Variants in SEZ6L2 observed in about 807,000 individuals in gnomAD.
SEZ6L2 encodes the protein seizure related 6 homolog like 2.
SEZ6L2 carries 44 observed loss-of-function variants against 97.0 expected under a neutral mutation model. The observed-to-expected ratio is 0.45, with a 90% CI of 0.36 to 0.58. SEZ6L2 has a LOEUF of 0.58. SEZ6L2 is among the 20% of genes least tolerant of loss of function. The probability of loss-of-function intolerance (pLI) is 0.00; values close to 1 mark genes in which losing one functional copy is unlikely to be tolerated. For missense variants in SEZ6L2, 1,086 were observed against 1,233.3 expected, an observed-to-expected ratio of 0.88 and a Z score of 1.79; for synonymous variants, 543 against 546.1, an observed-to-expected ratio of 0.99 and a Z score of 0.08.
chr16:29,877,566 A>C lies in SEZ6L2; in HGVS notation c.1713-99T>G, dbSNP rs1596964250. The C allele has an allele frequency of 3.6e-6, 4 of 1,102,800 alleles. No homozygotes were observed. The East Asian group carries it at 8.3e-5, about 23-fold the overall frequency. 68.3% of individuals were successfully genotyped at this position (1,102,800 alleles called of 1,614,324 possible). On this transcript the variant is annotated intron_variant, in intron 10 of 17. Coordinates refer to ENST00000617533, the MANE Select transcript of SEZ6L2 (RefSeq NM_001243332.2). Reference sequence around the variant, plus strand: ...ACTCTGCTCATTGGTAGCCCCTCCTACTCTCCAGCCCCGCCCATATTCTCC... The same window carrying C: ...ACTCTGCTCATTGGTAGCCCCTCCTCCTCTCCAGCCCCGCCCATATTCTCC...
At chr16:29,894,346 C>G (rs2068333974) in intron 5 of SEZ6L2, among the ~76,000 whole-genome samples, 1 of 152,172 alleles carries the variant, frequency 6.6e-6, no homozygotes, top group Non-Finnish European at 1.5e-5. Context: ...TTCACCTCAT[C>G]TGGGGGTCAC....
chr16:29,884,926 G>A (rs1258731794), intron 8 of SEZ6L2, among the ~76,000 whole-genome samples: 1 of 149,898 alleles, frequency 6.7e-6, no homozygotes, highest in East Asian at 2.0e-4. Flanking sequence ...AATAAATAAA[G>A]GCCGGGCGCG....
chr16:29,897,517 C>T (rs1266815805), intron 2 of SEZ6L2, among the ~76,000 whole-genome samples: 1 of 152,004 alleles, frequency 6.6e-6, no homozygotes, highest in Non-Finnish European at 1.5e-5. Context: ...TTTCATGATT[C>T]GAGATCCACT....
chr16:29,893,937 C>A (rs1324993395), intron 5 of SEZ6L2, among the ~76,000 whole-genome samples: 1 of 152,218 alleles, frequency 6.6e-6, no homozygotes, highest in African/African-American at 2.4e-5. Context: ...ATGGCGCAAT[C>A]TCAGCTCAAT....
chr16:29,878,733 G>A (rs1479098587), intron 9 of SEZ6L2, among the ~76,000 whole-genome samples: 4 of 144,458 alleles, frequency 2.8e-5, no homozygotes, highest in Non-Finnish European at 6.1e-5. Flanking sequence ...TACAGGCGCC[G>A]CCACCACACC....
In SEZ6L2 at chr16:29,873,286, C is replaced by T. The variant is rs2067825747; in HGVS notation, c.2442G>A (p.Val814=). ...TGGTCCACTGGGAGGGGTGGCCGGGCACACAGGTGATGGTGACCTCGCCGA... is the reference window on the plus strand; with the variant it reads ...TGGTCCACTGGGAGGGGTGGCCGGGTACACAGGTGATGGTGACCTCGCCGA... ...ELIGEVTITC[V]PGHPSQWTSQ... Residue 814 remains valine, a synonymous_variant, in exon 14 of 18, where the codon GTG becomes GTA. Coordinates refer to ENST00000617533, the MANE Select transcript of SEZ6L2 (RefSeq NM_001243332.2). This position sits in a 1 kb window ranked among gnomAD's most constrained non-coding sequence, Gnocchi z 4.3. The T allele has an allele frequency of 6.2e-7, 1 of 1,614,162 alleles. No homozygotes were observed. Among genetic ancestry groups the T allele is most frequent in the African/African-American group, 1.3e-5 (1 of 75,058 alleles).
chr16:29,884,136 C>T (rs74017641), intron 8 of SEZ6L2, among the ~76,000 whole-genome samples: 10,670 of 152,086 alleles, frequency 0.07, 1,066 homozygotes, highest in East Asian at 0.32. Flanking sequence ...GGGAAGGCCA[C>T]GTGAGGCAGA....
chr16:29,887,879 C>T (rs2068182541), intron 6 of SEZ6L2, 62 bp from the exon 7 acceptor site: 1 of 1,567,416 alleles, frequency 6.4e-7, no homozygotes, highest in Non-Finnish European at 8.7e-7. Context: ...CTCCTCGGGG[C>T]CTCGGCCCGT....
chr16:29,894,976 G>A (rs948354706), intron 5 of SEZ6L2, among the ~76,000 whole-genome samples: 3 of 151,976 alleles, frequency 2.0e-5, no homozygotes, highest in Non-Finnish European at 4.4e-5. Context: ...TCAGGAGATC[G>A]AGACCATCCT....
rs1414710965 is a variant in SEZ6L2, at chr16:29,873,468, A to G, written c.2297-37T>C. 6.2e-7 allele frequency: 1 copy of G among 1,613,710 alleles called. No homozygotes were observed. Among genetic ancestry groups the G allele is most frequent in the African/African-American group, 1.3e-5 (1 of 74,926 alleles). The stretch of plus-strand genomic sequence containing the variant: ...ATGCCAGTCACGTGCCAGCTGCACT[A>G]CTGTGCACGGGGCAGACGGGCTCTC... On this transcript the variant is annotated intron_variant, in intron 13 of 17. Transcript: ENST00000617533. This position sits in a 1 kb window ranked among gnomAD's most constrained non-coding sequence, Gnocchi z 4.3.
rs778377184 is a variant in SEZ6L2 at position 29,896,789 on chromosome 16, C to T, written c.511+33G>A. 11 of 1,599,648 alleles carry T rather than the reference C, an allele frequency of 6.9e-6. No homozygotes were observed. The Admixed American group carries it at 1.9e-4, about 27-fold the overall frequency. ...CATCCCCAGCGTGTACCTCTCCGGT[C>T]CTCCCACCCCCATCCCCTTGCTGTC... is the stretch of plus-strand genomic sequence containing the variant. On this transcript the variant is annotated intron_variant, in intron 3 of 17. Coordinates refer to ENST00000617533, the MANE Select transcript of SEZ6L2 (RefSeq NM_001243332.2).
chr16:29,898,195 C>A (rs964681506), intron 1 of SEZ6L2, among the ~76,000 whole-genome samples: 5 of 152,204 alleles, frequency 3.3e-5, no homozygotes, highest in African/African-American at 1.2e-4. Context: ...CCTCCCCTCT[C>A]CCTTCTCCCT....
intron 10 of SEZ6L2, among the ~76,000 whole-genome samples, 177 bp downstream of exon 10, chr16:29,878,110 T>C (rs1017721199): frequency 3.9e-5 from 6 of 152,212 alleles, no homozygotes; most frequent in African/African-American, 1.4e-4. Flanking sequence ...CTGGCTAATA[T>C]GTGATTTGAG....
intron 8 of SEZ6L2, among the ~76,000 whole-genome samples, chr16:29,883,768 C>CA (rs1004121807): frequency 2.6e-5 from 4 of 151,876 alleles, no homozygotes; most frequent in African/African-American, 9.7e-5. Context: ...GCTGTCTCTA[C>CA]AAAAAATGTA....
chr16:29,882,650 G>A (rs1378963266), intron 8 of SEZ6L2, among the ~76,000 whole-genome samples: 1 of 151,770 alleles, frequency 6.6e-6, no homozygotes, highest in Non-Finnish European at 1.5e-5. Context: ...TGCAATGGTG[G>A]GATCACAACT....
intron 9 of SEZ6L2, among the ~76,000 whole-genome samples, chr16:29,879,038 G>C (rs1310369394): frequency 6.6e-6 from 1 of 151,648 alleles, no homozygotes; most frequent in African/African-American, 2.4e-5. Context: ...AAGTAGCTGG[G>C]ATTACAGGCA....
At chr16:29,886,417 T>C (rs1418334988) in intron 7 of SEZ6L2, among the ~76,000 whole-genome samples, 1 of 151,770 alleles carries the variant, frequency 6.6e-6, no homozygotes, top group Non-Finnish European at 1.5e-5. Flanking sequence ...GGTTCATGCC[T>C]GTAATCCTAG....
chr16:29,892,535 G>A (rs889485439), intron 5 of SEZ6L2, among the ~76,000 whole-genome samples: 4 of 152,196 alleles, frequency 2.6e-5, no homozygotes, highest in South Asian at 2.1e-4. Context: ...GCTGGCCCCC[G>A]ATGAATAGGC....
At chr16:29,895,542 TG>T (rs2068366889) in intron 4 of SEZ6L2, 82 bp from the exon 5 acceptor site, 1 of 1,504,794 alleles carries the variant, frequency 6.6e-7, no homozygotes, top group Non-Finnish European at 9.1e-7. Context: ...GCCTTTGCCC[TG>T]TGTGTAGCAG....
Sources: gnomAD v4.1 joint callset for allele counts (sites outside exome capture counted in the v4.1 genomes callset) on GRCh38, gnomAD v4.1.1 for gene constraint, Gnocchi (gnomAD v3.1) non-coding constraint, MANE v1.5 for transcripts, NCBI Gene and HGNC (gene_info 2026-07-23, HGNC 2026-07-21) for gene names.